NCKAP5: variants seen among roughly 807,000 people sequenced by gnomAD.
The protein encoded by NCKAP5 is nck-associated protein 5.
NCKAP5 carries 92 observed loss-of-function variants against 167.0 expected under a neutral mutation model. The ratio of observed to expected loss-of-function variants is 0.55; its 90% confidence interval spans 0.47 to 0.66. NCKAP5 has a LOEUF of 0.66. Among genes scored for constraint, NCKAP5 ranks in the 30% least tolerant of loss-of-function variants. The pLI, the probability that NCKAP5 is intolerant of heterozygous loss-of-function variation, is 0.00. For synonymous variants in NCKAP5, 891 were observed against 877.4 expected, an observed-to-expected ratio of 1.02 and a Z score of -0.27; for missense variants, 2,378 against 2,315.0, an observed-to-expected ratio of 1.03 and a Z score of -0.56.
chr2:133,228,427 G>C (rs1458217541), intron 4 of NCKAP5, among the ~76,000 whole-genome samples: 3 of 152,024 alleles, frequency 2.0e-5, no homozygotes, highest in Admixed American at 2.0e-4. Flanking sequence ...CTAACATTGA[G>C]CCTACATCTT....
Position 132,758,807 on chromosome 2 carries a change from C to T in NCKAP5, c.5128+15009G>A, listed in dbSNP as rs117718087. ...GCTGATGTGGCACATAGACGTGTTG[C>T]GTTTTGTTTTGGATGGTGTTTTTAA... On this transcript the variant is annotated intron_variant, in intron 16 of 19. Coordinates refer to ENST00000409261, the MANE Select transcript of NCKAP5 (RefSeq NM_207363.3). 1.9e-3 allele frequency among the ~76,000 whole-genome samples: 283 copies of T among 152,140 alleles called. 4 individuals are homozygous for T. The East Asian group carries it at 0.026, about 14-fold the overall frequency.
intron 7 of NCKAP5, among the ~76,000 whole-genome samples, chr2:132,992,151 G>A (rs1249035945): frequency 1.3e-5 from 2 of 152,104 alleles, no homozygotes; most frequent in Admixed American, 6.6e-5. Flanking sequence ...GGAGCCTGAG[G>A]CCAATTAAAG....
chr2:133,207,289 CACTT>C (rs1461193915), intron 5 of NCKAP5, among the ~76,000 whole-genome samples: 1 of 152,156 alleles, frequency 6.6e-6, no homozygotes, highest in Non-Finnish European at 1.5e-5. Flanking sequence ...GACCAACTGA[CACTT>C]AGGGAAAATA....
chr2:133,210,914 C>T (rs1410627123), intron 5 of NCKAP5, among the ~76,000 whole-genome samples: 7 of 151,978 alleles, frequency 4.6e-5, no homozygotes, highest in Non-Finnish European at 8.8e-5. Flanking sequence ...TGTTAGAAGC[C>T]CTCCAATGGT....
chr2:132,994,573 C>T (rs543334829), intron 6 of NCKAP5, among the ~76,000 whole-genome samples: 1 of 152,220 alleles, frequency 6.6e-6, no homozygotes, highest in African/African-American at 2.4e-5. Flanking sequence ...CCCAAAAAAC[C>T]ACTTTCATTT....
chr2:132,946,516 T>C (rs1649276013), intron 8 of NCKAP5, among the ~76,000 whole-genome samples: 1 of 152,194 alleles, frequency 6.6e-6, no homozygotes, highest in South Asian at 2.1e-4. Context: ...AAAAACATCT[T>C]AATTTCTCTG....
At chr2:132,823,367 A>G (rs886878006) in intron 11 of NCKAP5, among the ~76,000 whole-genome samples, 2 of 152,218 alleles carry the variant, frequency 1.3e-5, no homozygotes, top group African/African-American at 2.4e-5. Flanking sequence ...CAGAAATCTT[A>G]TAAGCCAGAA....
chr2:133,346,092 A>C (rs1218231453), intron 3 of NCKAP5, among the ~76,000 whole-genome samples: 5 of 152,128 alleles, frequency 3.3e-5, no homozygotes, highest in African/African-American at 1.2e-4. Context: ...ACAATTTCTC[A>C]TCACTTCCAC....
chr2:133,484,303 T>G lies in NCKAP5; in HGVS notation c.69+33155A>C, dbSNP rs151103812. ...CCATCTGGTCCAGTCCTTGTCTTCA[T>G]GTGGTTATGATTTGCTTCTAGGAAT... On this transcript the variant is annotated intron_variant, in intron 3 of 19. Transcript: ENST00000409261. Among the ~76,000 whole-genome samples, 265 of 152,276 alleles carry G rather than the reference T, an allele frequency of 1.7e-3. 1 individual carries two copies. Among genetic ancestry groups the G allele is most frequent in the African/African-American group, 6.0e-3 (248 of 41,568 alleles).
chr2:133,643,506 G>C, the NCKAP5 span, among the ~76,000 whole-genome samples: 1 of 152,036 alleles, frequency 6.6e-6, no homozygotes, highest in Non-Finnish European at 1.5e-5. Flanking sequence ...TCATCTGTTT[G>C]ACATCCAGGC....
intron 16 of NCKAP5, among the ~76,000 whole-genome samples, chr2:132,769,219 A>G (rs982966318): frequency 6.6e-6 from 1 of 152,110 alleles, no homozygotes; most frequent in African/African-American, 2.4e-5. Context: ...AAGTGCTGGG[A>G]TTACAGAGAT....
At chr2:133,164,703 C>T (rs1379532515) in intron 5 of NCKAP5, among the ~76,000 whole-genome samples, 1 of 152,182 alleles carries the variant, frequency 6.6e-6, no homozygotes, top group East Asian at 1.9e-4. Flanking sequence ...CACACACCAA[C>T]CTGGCTATCC....
intron 8 of NCKAP5, among the ~76,000 whole-genome samples, chr2:132,891,971 C>T (rs2148871428): frequency 6.6e-6 from 1 of 152,310 alleles, no homozygotes; most frequent in South Asian, 2.1e-4. Context: ...TGGAGCCTGG[C>T]CCTCTGTATG....
chr2:132,944,695 T>G (rs1343242287), intron 8 of NCKAP5, among the ~76,000 whole-genome samples: 1 of 152,202 alleles, frequency 6.6e-6, no homozygotes, highest in East Asian at 1.9e-4. Flanking sequence ...ACTTTAATAT[T>G]CTCTTCCAGT....
intron 3 of NCKAP5, among the ~76,000 whole-genome samples, chr2:133,338,766 G>T (rs1359618426): frequency 6.6e-6 from 1 of 152,172 alleles, no homozygotes; most frequent in Non-Finnish European, 1.5e-5. Context: ...CTAGCACTTT[G>T]GGAGGTCGAG....
At chr2:133,436,039 T>C (rs1237716832) in intron 3 of NCKAP5, among the ~76,000 whole-genome samples, 2 of 152,224 alleles carry the variant, frequency 1.3e-5, no homozygotes, top group Non-Finnish European at 2.9e-5. Context: ...GAACTATCCT[T>C]GACAGCTCAT....
chr2:133,606,630 G>A, the NCKAP5 span, among the ~76,000 whole-genome samples: 4 of 151,096 alleles, frequency 2.6e-5, no homozygotes, highest in East Asian at 5.8e-4. Context: ...CTCATAGAGC[G>A]GGACAGGGCC....
At chr2:132,730,562 T>C (rs1354279381) in intron 17 of NCKAP5, among the ~76,000 whole-genome samples, 1 of 152,146 alleles carries the variant, frequency 6.6e-6, no homozygotes, top group African/African-American at 2.4e-5. Flanking sequence ...AGCAGCAACA[T>C]CTGAAAAATC....
chr2:133,398,763 G>A (rs913160057), intron 3 of NCKAP5, among the ~76,000 whole-genome samples: 1 of 152,172 alleles, frequency 6.6e-6, no homozygotes, highest in Non-Finnish European at 1.5e-5. Flanking sequence ...AGCAGATGGA[G>A]ACTGTGTGAA....
Sources: allele counts gnomAD v4.1 joint callset (sites outside exome capture counted in the v4.1 genomes callset), GRCh38; gene constraint gnomAD v4.1.1; transcripts MANE v1.5; gene names NCBI Gene and HGNC (gene_info 2026-07-23, HGNC 2026-07-21).